The following HECTD2 variants were observed in gnomAD, a reference collection of about 807,000 sequenced individuals.
HECTD2 encodes the protein probable E3 ubiquitin-protein ligase HECTD2.
HECTD2 carries 35 observed loss-of-function variants against 103.2 expected under a neutral mutation model. That is an observed-to-expected ratio of 0.34 (90% CI 0.26 to 0.45). The LOEUF (loss-of-function observed/expected upper bound fraction) is 0.45, where lower values mean the gene tolerates loss of function less well. Ranked by LOEUF, HECTD2 falls within the 20% of genes least tolerant of loss-of-function variation. The pLI is 1.00. For missense variants in HECTD2, 596 were observed against 937.4 expected, an observed-to-expected ratio of 0.64 and a Z score of 4.76; for synonymous variants, 281 against 329.9, an observed-to-expected ratio of 0.85 and a Z score of 1.61.
chr10:91,470,036 A>G (rs955007609), intron 5 of HECTD2, among the ~76,000 whole-genome samples: 8 of 152,224 alleles, frequency 5.3e-5, no homozygotes, highest in Non-Finnish European at 1.0e-4. Flanking sequence ...CCAAATATAT[A>G]TGTACCTAAT....
chr10:91,500,105 G>C (rs998883428), intron 18 of HECTD2, among the ~76,000 whole-genome samples: 1 of 152,116 alleles, frequency 6.6e-6, no homozygotes, highest in African/African-American at 2.4e-5. Flanking sequence ...AGAGACACAA[G>C]ACAGACTATA....
intron 2 of HECTD2, among the ~76,000 whole-genome samples, chr10:91,445,808 G>A (rs1173010614): frequency 6.6e-6 from 1 of 152,086 alleles, no homozygotes; most frequent in Non-Finnish European, 1.5e-5. Flanking sequence ...CCCTAGCCAA[G>A]GGAAGTCGTG....
intron 1 of HECTD2, among the ~76,000 whole-genome samples, chr10:91,419,414 CTAAG>C (rs1047254830): frequency 4.6e-5 from 7 of 151,944 alleles, no homozygotes; most frequent in Non-Finnish European, 7.4e-5. Context: ...AACAGGTACT[CTAAG>C]TGTTTGTCTG....
intron 8 of HECTD2, chr10:91,484,236 T>C (rs927457279): frequency 2.4e-5 from 17 of 719,758 alleles, no homozygotes; most frequent in Non-Finnish European, 3.7e-5. Flanking sequence ...TTTGGAAATA[T>C]AGAATCTGTG....
intron 2 of HECTD2, among the ~76,000 whole-genome samples, chr10:91,431,929 G>T (rs2133069609): frequency 6.6e-6 from 1 of 152,118 alleles, no homozygotes; most frequent in African/African-American, 2.4e-5. Flanking sequence ...GTGAGGAACT[G>T]CGAAGTTGGG....
intron 1 of HECTD2, among the ~76,000 whole-genome samples, chr10:91,412,835 C>CAT (rs1279124647): frequency 6.6e-6 from 1 of 151,986 alleles, no homozygotes; most frequent in Non-Finnish European, 1.5e-5. Flanking sequence ...TTGACTTTTA[C>CAT]AGCAGCTAGG....
chr10:91,425,174 C>A, intron 1 of HECTD2, 107 bp from the exon 2 acceptor site: 1 of 903,516 alleles, frequency 1.1e-6, no homozygotes, highest in Non-Finnish European at 1.5e-6. Flanking sequence ...TATCTATTAT[C>A]TACTCGTCAT....
Position 91,492,493 on chromosome 10 carries a change from G to A in HECTD2, c.1432+9G>A, listed in dbSNP as rs1028303346. On this transcript the variant is annotated intron_variant, in intron 13 of 20. Coordinates refer to ENST00000298068, the MANE Select transcript of HECTD2 (RefSeq NM_182765.6). The stretch of plus-strand genomic sequence containing the variant: ...TTTTCATCCAGATTATGGTAAGTAT[G>A]TAATCTAATTTTTATAAACTGTGTT... The A allele has an allele frequency of 1.9e-6, 3 of 1,591,710 alleles. No homozygotes were observed. The African/African-American group carries it at 4.0e-5, about 21-fold the overall frequency.
chr10:91,432,302 C>T (rs1039952738), intron 2 of HECTD2, among the ~76,000 whole-genome samples: 3 of 151,844 alleles, frequency 2.0e-5, no homozygotes, highest in East Asian at 1.9e-4. Flanking sequence ...CTTGTTTGCC[C>T]GTCTGATCTT....
At chr10:91,505,355 A>G (rs2133369243) in intron 20 of HECTD2, among the ~76,000 whole-genome samples, 1 of 152,268 alleles carries the variant, frequency 6.6e-6, no homozygotes, top group South Asian at 2.1e-4. Context: ...AAGACCCATC[A>G]GTGTGCTGTA....
intron 5 of HECTD2, 29 bp from the exon 6 acceptor site, chr10:91,478,172 A>C (rs570367558): frequency 2.0e-6 from 3 of 1,503,482 alleles, no homozygotes; most frequent in Non-Finnish European, 2.8e-6. Flanking sequence ...GGTAATCCTA[A>C]TTACCTTACT....
At chr10:91,498,207 C>CT in intron 16 of HECTD2, 25 bp downstream of exon 16, 1 of 1,460,952 alleles carries the variant, frequency 6.8e-7, no homozygotes. Context: ...AAGTAGTTAT[C>CT]TGTTAATCAT....
chr10:91,416,509 CAT>C (rs1384858701), intron 1 of HECTD2, among the ~76,000 whole-genome samples: 4 of 152,150 alleles, frequency 2.6e-5, no homozygotes, highest in Admixed American at 6.6e-5. Flanking sequence ...GTGTGTGTAT[CAT>C]GTGAGCAATA....
At chr10:91,500,114 T>C (rs748421369) in intron 18 of HECTD2, among the ~76,000 whole-genome samples, 3 of 152,100 alleles carry the variant, frequency 2.0e-5, no homozygotes, top group Admixed American at 2.0e-4. Flanking sequence ...AGACAGACTA[T>C]AACCAAGTGC....
At position 91,496,211 on chromosome 10, in the gene HECTD2, T is replaced by C. The variant is rs756191774; in HGVS notation, c.1522-3T>C. 12 of 1,602,462 alleles carry C rather than the reference T, an allele frequency of 7.5e-6. 1 individual carries two copies. In the South Asian group the frequency reaches 1.2e-4, roughly 16 times the overall value. ...GTTAATGCTTAACATTTAGTATGCA[T>C]AGCTTATGGGACTAGCTGTTTATAA... On this transcript the variant is annotated splice_region_variant and splice_polypyrimidine_tract_variant and intron_variant, in intron 14 of 20. Transcript: ENST00000298068.
intron 1 of HECTD2, among the ~76,000 whole-genome samples, chr10:91,410,920 C>A (rs1842893668): frequency 6.6e-6 from 1 of 152,204 alleles, no homozygotes. Context: ...TAGGTGTCAG[C>A]AGGCGGGAGT....
At chr10:91,416,087 CT>C (rs1843115968) in intron 1 of HECTD2, among the ~76,000 whole-genome samples, 1 of 151,678 alleles carries the variant, frequency 6.6e-6, no homozygotes, top group African/African-American at 2.4e-5. Flanking sequence ...TTATTTTCCC[CT>C]TCATGAATAA....
At chr10:91,425,667 A>G (rs1589464005) in intron 2 of HECTD2, among the ~76,000 whole-genome samples, 1 of 150,774 alleles carries the variant, frequency 6.6e-6, no homozygotes, top group African/African-American at 2.4e-5. Context: ...AATAATATAC[A>G]TATATATTTT....
At chr10:91,440,054 C>A (rs1844334413) in intron 2 of HECTD2, among the ~76,000 whole-genome samples, 1 of 152,056 alleles carries the variant, frequency 6.6e-6, no homozygotes, top group South Asian at 2.1e-4. Context: ...TTCCTCTCTT[C>A]CTATTTAAAT....
Sources: allele counts gnomAD v4.1 joint callset (sites outside exome capture counted in the v4.1 genomes callset), GRCh38; gene constraint gnomAD v4.1.1; transcripts MANE v1.5; gene names NCBI Gene and HGNC (gene_info 2026-07-23, HGNC 2026-07-21).